Variants in EGFLAM observed in about 807,000 individuals in gnomAD.
The protein encoded by EGFLAM is pikachurin.
In EGFLAM, 79 loss-of-function variants were observed where a neutral mutation model predicts 113.1. The observed-to-expected ratio is 0.70, with a 90% CI of 0.58 to 0.84. EGFLAM has a LOEUF of 0.84. Among genes scored for constraint, EGFLAM ranks in the 40% least tolerant of loss-of-function variants. The pLI is 0.00. For missense variants in EGFLAM, 1,265 were observed against 1,291.6 expected (o/e 0.98, Z 0.32); for synonymous variants, 504 against 487.6 (o/e 1.03, Z -0.44).
At chr5:38,392,496 A>G (rs188020496) in intron 6 of EGFLAM, among the ~76,000 whole-genome samples, 2 of 152,276 alleles carry the variant, frequency 1.3e-5, no homozygotes, top group African/African-American at 4.8e-5. Flanking sequence ...GCTGGGTTGA[A>G]TGGTAGTTCT....
rs369039392 is a variant in EGFLAM at position 38,463,727 on chromosome 5, A to G, written c.2876-105A>G. The G allele has an allele frequency of 1.3e-5, 18 of 1,391,886 alleles. No homozygotes were observed. In the African/African-American group the frequency reaches 2.0e-4, roughly 15 times the overall value. 86.2% of individuals were successfully genotyped at this position (1,391,886 alleles called of 1,614,324 possible). ...CCTCACATGTCCCATGAATCAAGGG[A>G]TGCCTTGGCCAGCAGCCATTCAAGT... On this transcript the variant is annotated intron_variant, in intron 21 of 21. Transcript: ENST00000322350.
chr5:38,373,259 G>T (rs1351258564), intron 6 of EGFLAM, among the ~76,000 whole-genome samples: 3 of 152,134 alleles, frequency 2.0e-5, no homozygotes, highest in Non-Finnish European at 2.9e-5. Flanking sequence ...TTTTGGCAAG[G>T]TTGATCATTG....
chr5:38,305,759 T>C (rs1346831893), intron 1 of EGFLAM: 2 of 181,512 alleles, frequency 1.1e-5, no homozygotes, highest in African/African-American at 4.7e-5. Context: ...ACTAGGAAGA[T>C]TAGAACACTG....
intron 1 of EGFLAM, among the ~76,000 whole-genome samples, chr5:38,336,017 T>C (rs935461553): frequency 3.3e-5 from 5 of 152,328 alleles, no homozygotes; most frequent in Middle Eastern, 3.4e-3. Context: ...CTGAACAAGA[T>C]AGACCTGGTC....
At chr5:38,453,971 C>A (rs919330385) in intron 19 of EGFLAM, among the ~76,000 whole-genome samples, 2 of 152,224 alleles carry the variant, frequency 1.3e-5, no homozygotes. Context: ...GTTACCATTT[C>A]TTTCTCAGGA....
rs377364283 is a variant in EGFLAM, at chr5:38,370,401, G to A, written c.651G>A (p.Arg217=). 1.5e-5 allele frequency: 25 copies of A among 1,614,058 alleles called. No homozygotes were observed. Among genetic ancestry groups the A allele is most frequent in the Non-Finnish European group, 1.9e-5 (23 of 1,180,044 alleles). Reference sequence around the variant, plus strand: ...ATACCAACTACCAGTTTGCCGTGAGGGCAATGAATTCCCATGGCCCCAGCC... The same window carrying A: ...ATACCAACTACCAGTTTGCCGTGAGAGCAATGAATTCCCATGGCCCCAGCC... ...DPDTNYQFAV[R]AMNSHGPSPR... is the part of the protein sequence containing the mutation. The change falls in exon 6 of 22, where the codon AGG becomes AGA. Residue 217 remains arginine, a synonymous_variant. Coordinates refer to ENST00000322350, the MANE Select transcript of EGFLAM (RefSeq NM_152403.4).
At chr5:38,344,358 C>T (rs546156587) in intron 3 of EGFLAM, among the ~76,000 whole-genome samples, 30 of 152,086 alleles carry the variant, frequency 2.0e-4, no homozygotes, top group Non-Finnish European at 2.4e-4. Context: ...TGGTGGTGCA[C>T]GCTTGTAATC....
In EGFLAM at chr5:38,407,864, A is replaced by C. The variant is rs1378966268; in HGVS notation, c.1207A>C (p.Lys403Gln). 1.9e-6 allele frequency: 3 copies of C among 1,613,898 alleles called. No homozygotes were observed. Among genetic ancestry groups the C allele is most frequent in the Non-Finnish European group, 2.5e-6 (3 of 1,179,776 alleles). ...CTCCTATGTAACGTTTGAACCTCTG[A>C]AGAATTCTTATCAGGCATTTCAAAT... Reference protein sequence around the residue: ...GHSYVTFEPLKNSYQAFQITL... With the variant: ...GHSYVTFEPLQNSYQAFQITL... Residue 403 changes from lysine to glutamine, a missense_variant, in exon 9 of 22, where the codon AAG becomes CAG. Physicochemically the swap from Lys to Gln is moderately conservative, Grantham distance 53. Coordinates refer to ENST00000322350, the MANE Select transcript of EGFLAM (RefSeq NM_152403.4).
At position 38,436,892 on chromosome 5, in the gene EGFLAM, C is replaced by T. The variant is rs776522196; in HGVS notation, c.2284-1383C>T. On this transcript the variant is annotated intron_variant, in intron 16 of 21. Coordinates refer to ENST00000322350, the MANE Select transcript of EGFLAM (RefSeq NM_152403.4). ...ATTCAGGACTGGGGAAAAGTTTTCT[C>T]TCAACTCTCCCAGTGCTCTCCAAGG... 9.8e-5 allele frequency among the ~76,000 whole-genome samples: 15 copies of T among 152,294 alleles called. 1 individual carries two copies. The Middle Eastern group carries it at 0.014, about 138-fold the overall frequency.
intron 11 of EGFLAM, among the ~76,000 whole-genome samples, chr5:38,414,300 A>G (rs1460915858): frequency 6.6e-6 from 1 of 152,214 alleles, no homozygotes; most frequent in Non-Finnish European, 1.5e-5. Context: ...TAGGTCTAAC[A>G]TGATAAAAGT....
intron 1 of EGFLAM, among the ~76,000 whole-genome samples, chr5:38,309,080 A>G (rs1350205873): frequency 2.6e-5 from 4 of 152,250 alleles, no homozygotes; most frequent in African/African-American, 4.8e-5. Context: ...AAATTATGTT[A>G]TATGAATTTA....
chr5:38,298,084 ATCTCCAAGCTTGACAACG>A (rs1014248231), intron 1 of EGFLAM, among the ~76,000 whole-genome samples: 1 of 152,056 alleles, frequency 6.6e-6, no homozygotes, highest in South Asian at 2.1e-4. Flanking sequence ...CTCCGGAAAC[ATCTCCAAGCTTGACAACG>A]TAGATAAGAG....
In EGFLAM at chr5:38,278,290, A is replaced by G. The variant is rs527942681; in HGVS notation, c.97+19439A>G. On this transcript the variant is annotated intron_variant, in intron 1 of 21. Coordinates refer to ENST00000322350, the MANE Select transcript of EGFLAM (RefSeq NM_152403.4). ...CAAGTGGTAAGAACACTCATTAGGG[A>G]AAGGATAGTGTATTCAGTAAATATG... 5.4e-4 allele frequency among the ~76,000 whole-genome samples: 83 copies of G among 152,310 alleles called. No individual in the cohort carries two copies. In the South Asian group the frequency reaches 6.0e-3, roughly 11 times the overall value.
intron 6 of EGFLAM, among the ~76,000 whole-genome samples, chr5:38,385,291 GCC>G (rs1740631941): frequency 2.4e-5 from 1 of 41,996 alleles, no homozygotes; most frequent in African/African-American, 6.3e-5. Context: ...CCCCCCCCCC[GCC>G]CCCGCCACCG....
intron 1 of EGFLAM, among the ~76,000 whole-genome samples, chr5:38,307,536 G>A (rs1758753945): frequency 6.6e-6 from 1 of 152,094 alleles, no homozygotes; most frequent in African/African-American, 2.4e-5. Context: ...CAGGCCTGCG[G>A]AACTGTGAGT....
chr5:38,312,818 T>A (rs900402159), intron 1 of EGFLAM, among the ~76,000 whole-genome samples: 3 of 152,172 alleles, frequency 2.0e-5, no homozygotes, highest in African/African-American at 7.2e-5. Context: ...CTGGGTGCAG[T>A]GGCTCACACC....
chr5:38,282,262 G>A (rs1758037396), intron 1 of EGFLAM: 1 of 152,100 alleles, frequency 6.6e-6, no homozygotes. Flanking sequence ...TTAAGACAAA[G>A]ATTTGAATGA....
At chr5:38,264,393 TA>T (rs1202767864) in intron 1 of EGFLAM, among the ~76,000 whole-genome samples, 1 of 152,118 alleles carries the variant, frequency 6.6e-6, no homozygotes, top group African/African-American at 2.4e-5. Flanking sequence ...CAAACTAAAA[TA>T]AAGATGTAAG....
intron 19 of EGFLAM, among the ~76,000 whole-genome samples, chr5:38,454,756 G>A (rs1743030951): frequency 6.6e-6 from 1 of 152,160 alleles, no homozygotes; most frequent in Admixed American, 6.5e-5. Context: ...GGAACCCTAA[G>A]ATAATAAAAT....
Sources: allele counts gnomAD v4.1 joint callset (sites outside exome capture counted in the v4.1 genomes callset), GRCh38; gene constraint gnomAD v4.1.1; transcripts MANE v1.5; gene names NCBI Gene and HGNC (gene_info 2026-07-23, HGNC 2026-07-21).